LRMDA: variants seen among roughly 807,000 people sequenced by gnomAD.
LRMDA encodes leucine rich melanocyte differentiation associated, also known as leucine-rich melanocyte differentiation-associated protein.
LRMDA carries 18 observed loss-of-function variants against 29.8 expected under a neutral mutation model. The ratio of observed to expected loss-of-function variants is 0.60; its 90% CI spans 0.42 to 0.90. The LOEUF is 0.90. LRMDA is among the 40% of genes least tolerant of loss of function. LRMDA has a pLI of 0.00. For synonymous variants in LRMDA, 125 were observed against 109.4 expected, an observed-to-expected ratio of 1.14 and a Z score of -0.89; for missense variants, 273 against 273.9, an observed-to-expected ratio of 1.00 and a Z score of 0.02.
At chr10:76,391,130 G>C (rs900514765) in intron 6 of LRMDA, among the ~76,000 whole-genome samples, 1 of 152,166 alleles carries the variant, frequency 6.6e-6, no homozygotes, top group Non-Finnish European at 1.5e-5. Flanking sequence ...GGTCAGCTGT[G>C]CCTAAAATGC....
chr10:75,645,956 G>C (rs1841514732), intron 2 of LRMDA, among the ~76,000 whole-genome samples: 1 of 149,996 alleles, frequency 6.7e-6, no homozygotes, highest in South Asian at 2.1e-4. Context: ...TCTTTTCCTT[G>C]TTCCCTGTCT....
At chr10:76,428,225 C>T (rs552046142) in intron 6 of LRMDA, among the ~76,000 whole-genome samples, 8 of 152,114 alleles carry the variant, frequency 5.3e-5, no homozygotes, top group Middle Eastern at 3.4e-3. Context: ...TGAATTAGTT[C>T]TTCATTGAGA....
intron 2 of LRMDA, among the ~76,000 whole-genome samples, chr10:75,498,710 C>T (rs1329427457): frequency 6.6e-6 from 1 of 151,822 alleles, no homozygotes; most frequent in East Asian, 1.9e-4. Context: ...GTGGGTACAC[C>T]ATAATAGCCT....
rs1204766372 is a variant in LRMDA at position 76,205,129 on chromosome 10, A to T, written c.517-119272A>T. ...TGCCTAGGTCCCAAGAGCGCACTTA[A>T]AAAAGAGAGGAAAAGCCACTTCTTC... On this transcript the variant is annotated intron_variant, in intron 5 of 6. Transcript: ENST00000611255. 2.0e-5 allele frequency among the ~76,000 whole-genome samples: 3 copies of T among 152,246 alleles called. No homozygotes were observed. In the East Asian group the frequency reaches 5.8e-4, roughly 29 times the overall value.
At chr10:75,902,199 T>G (rs1240158957) in intron 2 of LRMDA, among the ~76,000 whole-genome samples, 1 of 152,186 alleles carries the variant, frequency 6.6e-6, no homozygotes, top group Admixed American at 6.5e-5. Flanking sequence ...TAGGGGTGCA[T>G]GCCCGTGGCA....
intron 2 of LRMDA, among the ~76,000 whole-genome samples, chr10:75,662,231 G>T (rs775929448): frequency 6.6e-6 from 1 of 152,050 alleles, no homozygotes; most frequent in Non-Finnish European, 1.5e-5. Context: ...TAGAATTTTG[G>T]TTGACACTTC....
At chr10:76,459,378 C>T (rs1186540004) in intron 6 of LRMDA, among the ~76,000 whole-genome samples, 1 of 152,150 alleles carries the variant, frequency 6.6e-6, no homozygotes, top group East Asian at 1.9e-4. Flanking sequence ...GGAACTTTCT[C>T]CGTCACTTGG....
intron 2 of LRMDA, among the ~76,000 whole-genome samples, chr10:75,718,636 G>GT (rs1470618153): frequency 6.6e-6 from 1 of 152,206 alleles, no homozygotes; most frequent in Non-Finnish European, 1.5e-5. Context: ...GCCTGGTTAG[G>GT]TTTTCCATCA....
At chr10:75,516,257 C>G (rs1354851081) in intron 2 of LRMDA, among the ~76,000 whole-genome samples, 1 of 152,178 alleles carries the variant, frequency 6.6e-6, no homozygotes, top group Non-Finnish European at 1.5e-5. Context: ...ATTTCTAGTT[C>G]TAGATCCTTG....
At chr10:76,094,088 A>C (rs1346099828) in intron 5 of LRMDA, among the ~76,000 whole-genome samples, 2 of 152,192 alleles carry the variant, frequency 1.3e-5, no homozygotes, top group Admixed American at 6.5e-5. Flanking sequence ...AGCACTGTTC[A>C]GAATAGGTGG....
At chr10:75,759,986 T>C (rs78795512) in intron 2 of LRMDA, among the ~76,000 whole-genome samples, 31 of 152,358 alleles carry the variant, frequency 2.0e-4, no homozygotes, top group African/African-American at 6.0e-4. Context: ...GACCAATTCA[T>C]TGGGAATTAT....
chr10:76,343,846 C>A (rs1391689528), intron 6 of LRMDA, among the ~76,000 whole-genome samples: 7 of 122,088 alleles, frequency 5.7e-5, no homozygotes, highest in African/African-American at 1.9e-4. Flanking sequence ...GAGATGGAAT[C>A]TTGCTCTGTT....
At chr10:75,481,215 G>T (rs1844852641) in intron 2 of LRMDA, among the ~76,000 whole-genome samples, 1 of 152,106 alleles carries the variant, frequency 6.6e-6, no homozygotes, top group Non-Finnish European at 1.5e-5. Context: ...CTTGGGGTTG[G>T]GTGGGGCAGT....
At chr10:75,604,002 T>C (rs533757044) in intron 2 of LRMDA, among the ~76,000 whole-genome samples, 13 of 152,282 alleles carry the variant, frequency 8.5e-5, no homozygotes, top group African/African-American at 2.6e-4. Flanking sequence ...AATTTAGTTC[T>C]GGGAGACTTG....
At chr10:75,823,757 TAC>T (rs796189481) in intron 2 of LRMDA, among the ~76,000 whole-genome samples, 184 of 147,366 alleles carry the variant, frequency 1.2e-3, no homozygotes, top group African/African-American at 4.0e-3. Flanking sequence ...CCTACTTACA[TAC>T]ACACACACAC....
At chr10:76,311,315 C>T (rs536675086) in intron 5 of LRMDA, among the ~76,000 whole-genome samples, 26 of 145,174 alleles carry the variant, frequency 1.8e-4, no homozygotes, top group Admixed American at 5.7e-4. Context: ...ATTATTCACA[C>T]ATTTAAATGA....
At chr10:75,678,172 A>G (rs139421788) in intron 2 of LRMDA, among the ~76,000 whole-genome samples, 130 of 152,272 alleles carry the variant, frequency 8.5e-4, no homozygotes, top group African/African-American at 3.1e-3. Context: ...AGCTAAACAT[A>G]TACATATACA....
intron 6 of LRMDA, among the ~76,000 whole-genome samples, chr10:76,425,185 T>A (rs574061299): frequency 6.6e-6 from 1 of 152,194 alleles, no homozygotes; most frequent in Non-Finnish European, 1.5e-5. Context: ...AATGTCAATA[T>A]CACATTATGT....
chr10:76,007,937 T>C (rs900472934), intron 2 of LRMDA, among the ~76,000 whole-genome samples: 3 of 152,226 alleles, frequency 2.0e-5, no homozygotes, highest in Non-Finnish European at 4.4e-5. Flanking sequence ...GTTCTGCTTA[T>C]GGCAGCAAAT....
Sources: allele counts gnomAD v4.1 joint callset (sites outside exome capture counted in the v4.1 genomes callset), GRCh38; gene constraint gnomAD v4.1.1; transcripts MANE v1.5; gene names NCBI Gene and HGNC (gene_info 2026-07-23, HGNC 2026-07-21).